The following CHRM3 variants were observed in gnomAD, a reference collection of about 807,000 sequenced individuals.
The protein encoded by CHRM3 is cholinergic receptor muscarinic 3.
In CHRM3, 11 loss-of-function variants were observed where a neutral mutation model predicts 41.8. That is an observed-to-expected ratio of 0.26 (90% CI 0.17 to 0.44). CHRM3 has a LOEUF of 0.44. Among genes scored for constraint, CHRM3 ranks in the 20% least tolerant of loss-of-function variants. The pLI is 1.00. For missense variants in CHRM3, 571 were observed against 745.4 expected (o/e 0.77, Z 2.72); for synonymous variants, 297 against 301.4 (o/e 0.99, Z 0.15).
intron 4 of CHRM3, among the ~76,000 whole-genome samples, chr1:239,650,952 A>C (rs1672185585): frequency 6.6e-6 from 1 of 152,216 alleles, no homozygotes; most frequent in Non-Finnish European, 1.5e-5. Context: ...ACATTAATAT[A>C]TGTAAATATA....
At chr1:239,464,279 CAAAA>C (rs748118542) in intron 1 of CHRM3, among the ~76,000 whole-genome samples, 3 of 72,816 alleles carry the variant, frequency 4.1e-5, no homozygotes, top group African/African-American at 9.4e-5. Flanking sequence ...GACCCTGTCT[CAAAA>C]AAAAAAAAAA....
chr1:239,439,906 A>T (rs1019350865), intron 1 of CHRM3, among the ~76,000 whole-genome samples: 1 of 151,664 alleles, frequency 6.6e-6, no homozygotes, highest in Non-Finnish European at 1.5e-5. Flanking sequence ...AAGTGTAAAA[A>T]CCTCTCTATA....
chr1:239,560,661 AAT>A (rs1173032911), intron 3 of CHRM3, among the ~76,000 whole-genome samples: 8 of 152,014 alleles, frequency 5.3e-5, no homozygotes, highest in African/African-American at 1.9e-4. Context: ...TGCAACTTTA[AAT>A]ATATATGTGT....
chr1:239,841,476 G>A (rs943637312), intron 6 of CHRM3, among the ~76,000 whole-genome samples: 1 of 152,088 alleles, frequency 6.6e-6, no homozygotes, highest in African/African-American at 2.4e-5. Flanking sequence ...AAAATAGAGA[G>A]TAAAACTCTA....
chr1:239,558,174 A>G (rs1660543077), intron 3 of CHRM3, among the ~76,000 whole-genome samples: 1 of 152,222 alleles, frequency 6.6e-6, no homozygotes, highest in Admixed American at 6.5e-5. Context: ...AATAATTGTC[A>G]TTCTGACTGG....
intron 2 of CHRM3, among the ~76,000 whole-genome samples, chr1:239,541,301 G>T (rs546151615): frequency 2.0e-5 from 3 of 151,926 alleles, no homozygotes; most frequent in Non-Finnish European, 4.4e-5. Context: ...AGTAATAGCT[G>T]ACTTAGAGGT....
At chr1:239,548,241 C>T (rs1256288017) in intron 3 of CHRM3, among the ~76,000 whole-genome samples, 1 of 152,062 alleles carries the variant, frequency 6.6e-6, no homozygotes, top group African/African-American at 2.4e-5. Flanking sequence ...TAACTTGGGG[C>T]AATATTTAGA....
intron 1 of CHRM3, among the ~76,000 whole-genome samples, chr1:239,433,776 G>A (rs770130924): frequency 9.9e-5 from 15 of 152,080 alleles, no homozygotes; most frequent in Non-Finnish European, 1.3e-4. Context: ...AGGTTGCTGC[G>A]AATGCCGTTA....
At chr1:239,695,415 A>T (rs1400679337) in intron 5 of CHRM3, among the ~76,000 whole-genome samples, 1 of 152,158 alleles carries the variant, frequency 6.6e-6, no homozygotes, top group Non-Finnish European at 1.5e-5. Context: ...GTAGATTGTT[A>T]TTTAGGAAAA....
At chr1:239,639,082 G>T (rs368202603) in intron 4 of CHRM3, among the ~76,000 whole-genome samples, 1 of 151,574 alleles carries the variant, frequency 6.6e-6, no homozygotes, top group African/African-American at 2.4e-5. Flanking sequence ...GTAGATATGC[G>T]GCATTATTTC....
chr1:239,582,067 CT>C (rs1309187195), intron 3 of CHRM3, among the ~76,000 whole-genome samples: 1 of 152,140 alleles, frequency 6.6e-6, no homozygotes, highest in African/African-American at 2.4e-5. Context: ...ATAACTACAA[CT>C]TTTAATTTCT....
chr1:239,501,796 A>T (rs1344716303), intron 2 of CHRM3, among the ~76,000 whole-genome samples: 3 of 152,130 alleles, frequency 2.0e-5, no homozygotes, highest in Non-Finnish European at 4.4e-5. Flanking sequence ...TGGAGCTTGC[A>T]GTGAGCTGAG....
intron 4 of CHRM3, among the ~76,000 whole-genome samples, chr1:239,669,743 T>G (rs199999454): frequency 3.9e-5 from 6 of 152,160 alleles, no homozygotes; most frequent in African/African-American, 1.4e-4. Context: ...AATTATAATA[T>G]TGTCATTTAA....
intron 3 of CHRM3, among the ~76,000 whole-genome samples, chr1:239,552,628 T>TATTATG (rs1659979790): frequency 2.1e-4 from 1 of 4,716 alleles, no homozygotes; most frequent in African/African-American, 3.0e-4. Flanking sequence ...ACCTGACTAA[T>TATTATG]ATTATTATTA....
intron 6 of CHRM3, among the ~76,000 whole-genome samples, chr1:239,886,823 G>A (rs1373288525): frequency 6.6e-6 from 1 of 152,106 alleles, no homozygotes; most frequent in African/African-American, 2.4e-5. Flanking sequence ...AGCATTACCG[G>A]GTTTCTCTGT....
intron 6 of CHRM3, among the ~76,000 whole-genome samples, chr1:239,879,810 T>TGC (rs1410599251): frequency 2.6e-5 from 4 of 152,230 alleles, no homozygotes; most frequent in Admixed American, 2.6e-4. Context: ...CTGGTTGCTC[T>TGC]GCTGCAATAG....
chr1:239,672,599 T>TACACACACACAC (rs35094370), intron 4 of CHRM3, among the ~76,000 whole-genome samples: 65 of 145,942 alleles, frequency 4.5e-4, no homozygotes, highest in African/African-American at 1.5e-3. Context: ...TTCTTCCCAC[T>TACACACACACAC]ACACACACAC....
At chr1:239,596,591 C>A (rs761265882) in intron 3 of CHRM3, among the ~76,000 whole-genome samples, 3 of 151,930 alleles carry the variant, frequency 2.0e-5, no homozygotes, top group African/African-American at 4.8e-5. Flanking sequence ...TAAGTATATA[C>A]CTGATGAATT....
intron 5 of CHRM3, among the ~76,000 whole-genome samples, chr1:239,685,977 G>C (rs75114555): frequency 1.5e-3 from 115 of 75,342 alleles, no homozygotes; most frequent in Non-Finnish European, 2.4e-3. Flanking sequence ...AACAAACAAA[G>C]ACAAAAACAA....
Sources: gnomAD v4.1 joint callset for allele counts (sites outside exome capture counted in the v4.1 genomes callset) on GRCh38, gnomAD v4.1.1 for gene constraint, MANE v1.5 for transcripts, NCBI Gene and HGNC (gene_info 2026-07-23, HGNC 2026-07-21) for gene names.